Variants in PBLD observed in about 807,000 individuals in gnomAD.
PBLD encodes the protein phenazine biosynthesis-like domain-containing protein.
Under a neutral mutation model 31.3 loss-of-function variants are expected in PBLD, and 26 were observed. That is an observed-to-expected ratio of 0.83 (90% CI 0.61 to 1.15). The LOEUF (loss-of-function observed/expected upper bound fraction) is 1.15. Ranked by LOEUF, PBLD falls within the 50% of genes most tolerant of loss-of-function variation. The pLI, the probability that PBLD is intolerant of heterozygous loss-of-function variation, is 0.00. For missense variants in PBLD, 307 were observed against 351.7 expected, an observed-to-expected ratio of 0.87 and a Z score of 1.02; for synonymous variants, 114 against 129.0, an observed-to-expected ratio of 0.88 and a Z score of 0.79.
At chr10:68,285,838 G>A (rs2044279935) in intron 8 of PBLD, among the ~76,000 whole-genome samples, 1 of 151,814 alleles carries the variant, frequency 6.6e-6, no homozygotes, top group African/African-American at 2.4e-5. Flanking sequence ...ATGTCACCAT[G>A]CCTGGCTAAT....
In PBLD at chr10:68,300,441, G is replaced by A. The variant is rs548621850; in HGVS notation, c.85-3456C>T. Among the ~76,000 whole-genome samples, 8 of 152,222 alleles carry A rather than the reference G, an allele frequency of 5.3e-5. No homozygotes were observed. The South Asian group carries it at 1.0e-3, about 20-fold the overall frequency. ...TGGACCCCTGCAAGGTTTCTAAGAC[G>A]GAACAGCAATAAATAAATTAATGAG... On this transcript the variant is annotated intron_variant, in intron 2 of 9. Transcript: ENST00000358769.
intron 1 of PBLD, chr10:68,331,795 C>A (rs890220091): frequency 5.9e-5 from 9 of 152,390 alleles, no homozygotes; most frequent in Admixed American, 3.3e-4. Context: ...GCCATCGCCC[C>A]GAGGCGGCAG....
chr10:68,318,002 C>T (rs1243953663), intron 1 of PBLD, among the ~76,000 whole-genome samples: 2 of 151,866 alleles, frequency 1.3e-5, no homozygotes, highest in East Asian at 1.9e-4. Context: ...CCAAGGTGGG[C>T]AGATCACGAG....
intron 2 of PBLD, among the ~76,000 whole-genome samples, chr10:68,306,510 C>T (rs1458170600): frequency 6.6e-6 from 1 of 152,166 alleles, no homozygotes; most frequent in Admixed American, 6.5e-5. Flanking sequence ...AGCTCTAGCT[C>T]TTCTTTTTTA....
intron 1 of PBLD, among the ~76,000 whole-genome samples, chr10:68,319,111 G>GAAAGAAAGAAAAA (rs1554860577): frequency 8.7e-6 from 1 of 115,514 alleles, no homozygotes; most frequent in African/African-American, 3.2e-5. Flanking sequence ...AAGAAAGAAA[G>GAAAGAAAGAAAAA]GAAAAAGAAA....
chr10:68,318,801 C>A, intron 1 of PBLD, among the ~76,000 whole-genome samples: 1 of 151,650 alleles, frequency 6.6e-6, no homozygotes, highest in African/African-American at 2.4e-5. Context: ...TGCAGTGGCT[C>A]ACGTCTATAA....
intron 3 of PBLD, 90 bp from the exon 4 acceptor site, chr10:68,296,454 C>A: frequency 1.0e-6 from 1 of 966,966 alleles, no homozygotes; most frequent in South Asian, 1.5e-5. Flanking sequence ...ATATAGTTCT[C>A]TAGCATGATG....
intron 9 of PBLD, 25 bp from the exon 10 acceptor site, chr10:68,284,314 T>C: frequency 6.4e-7 from 1 of 1,573,004 alleles, no homozygotes; most frequent in Non-Finnish European, 8.7e-7. Context: ...CAGGTCAAAT[T>C]AAGAGTATTT....
At chr10:68,316,369 G>C (rs570841131) in intron 1 of PBLD, among the ~76,000 whole-genome samples, 4 of 151,894 alleles carry the variant, frequency 2.6e-5, no homozygotes, top group Non-Finnish European at 5.9e-5. Context: ...AATTAGAGAG[G>C]TCCAACAGCA....
At chr10:68,327,538 C>T (rs1377897010) in intron 1 of PBLD, among the ~76,000 whole-genome samples, 1 of 151,688 alleles carries the variant, frequency 6.6e-6, no homozygotes, top group Non-Finnish European at 1.5e-5. Flanking sequence ...ATTAGCTGGG[C>T]GTGGTCATGC....
chr10:68,304,989 TTAAGG>T (rs1452064892), intron 2 of PBLD, among the ~76,000 whole-genome samples: 2 of 152,136 alleles, frequency 1.3e-5, no homozygotes. Context: ...GAATGTAGAG[TTAAGG>T]TAAGACAAGG....
intron 2 of PBLD, among the ~76,000 whole-genome samples, chr10:68,304,164 C>T (rs1309960698): frequency 1.3e-5 from 2 of 152,152 alleles, no homozygotes; most frequent in African/African-American, 2.4e-5. Context: ...ACAATGAACC[C>T]AAGGGCAGAC....
chr10:68,331,350 T>G (rs1260486333), intron 1 of PBLD: 1 of 151,804 alleles, frequency 6.6e-6, no homozygotes, highest in Non-Finnish European at 1.5e-5. Flanking sequence ...GCGGGAGAGA[T>G]GAAAACGCGA....
chr10:68,329,605 A>AT (rs67937421), intron 1 of PBLD, among the ~76,000 whole-genome samples: 20,706 of 150,398 alleles, frequency 0.14, 1,884 homozygotes, highest in African/African-American at 0.26. Context: ...TAATACAGCA[A>AT]TTTTTTTTTT....
Position 68,307,746 on chromosome 10 carries a change from G to T in PBLD, c.-59-843C>A, listed in dbSNP as rs559829576. Among the ~76,000 whole-genome samples the T allele has an allele frequency of 7.9e-5, 12 of 152,056 alleles. No homozygotes were observed. The South Asian group carries it at 2.1e-3, about 26-fold the overall frequency. Reference sequence around the variant, plus strand: ...GATCTCCTGACCTTGTGATCCACCCGCCTCGGCCTCCCAAAGTGCTGGGAT... The same window carrying T: ...GATCTCCTGACCTTGTGATCCACCCTCCTCGGCCTCCCAAAGTGCTGGGAT... On this transcript the variant is annotated intron_variant, in intron 1 of 9. Coordinates refer to ENST00000358769, the MANE Select transcript of PBLD (RefSeq NM_022129.4).
At chr10:68,317,405 G>A (rs1428345627) in intron 1 of PBLD, among the ~76,000 whole-genome samples, 1 of 152,080 alleles carries the variant, frequency 6.6e-6, no homozygotes, top group Non-Finnish European at 1.5e-5. Context: ...TGGCCAATAA[G>A]CACATGAATG....
Position 68,288,559 on chromosome 10 carries a change from A to C in PBLD, c.615T>G (p.Gly205=). The C allele has an allele frequency of 6.2e-7, 1 of 1,614,238 alleles. No homozygotes were observed. The highest frequency in any genetic ancestry group is 8.5e-7 in the Non-Finnish European group (1 of 1,180,038). Reference sequence around the variant, plus strand: ...AAAAGTCAAATGCTTGGGTCTGCCCACCAGGCTCTCCTTTAAGGGTAAGAA... The same window carrying C: ...AAAAGTCAAATGCTTGGGTCTGCCCCCCAGGCTCTCCTTTAAGGGTAAGAA... The part of the protein sequence containing the change: ...GLILTLKGEP[G]GQTQAFDFYS... Residue 205 remains glycine, a synonymous_variant, in exon 8 of 10, where the codon GGT becomes GGG. Coordinates refer to ENST00000358769, the MANE Select transcript of PBLD (RefSeq NM_022129.4).
At chr10:68,326,137 C>T (rs1485180977) in intron 1 of PBLD, among the ~76,000 whole-genome samples, 2 of 151,938 alleles carry the variant, frequency 1.3e-5, no homozygotes, top group Admixed American at 6.6e-5. Context: ...GGCGCAATTT[C>T]GGCTCATTGC....
At position 68,296,370 on chromosome 10, in the gene PBLD, G is replaced by A; in HGVS notation, c.185-6C>T. Reference sequence around the variant, plus strand: ...TCTCAGTCCAAAGCAGGAACCTGAGGATAGGAAAAGCCAAAGAGAGATGAG... The same window carrying A: ...TCTCAGTCCAAAGCAGGAACCTGAGAATAGGAAAAGCCAAAGAGAGATGAG... On this transcript the variant is annotated splice_region_variant and splice_polypyrimidine_tract_variant and intron_variant, in intron 3 of 9. Coordinates refer to ENST00000358769, the MANE Select transcript of PBLD (RefSeq NM_022129.4). The A allele has an allele frequency of 6.2e-7, 1 of 1,603,918 alleles. No individual in the cohort carries two copies.
Sources: allele counts gnomAD v4.1 joint callset (sites outside exome capture counted in the v4.1 genomes callset), GRCh38; gene constraint gnomAD v4.1.1; transcripts MANE v1.5; gene names NCBI Gene and HGNC (gene_info 2026-07-23, HGNC 2026-07-21).